SAMD12: variants seen among roughly 807,000 people sequenced by gnomAD.
The protein encoded by SAMD12 is sterile alpha motif domain-containing protein 12.
In SAMD12, 9 loss-of-function variants were observed where a neutral mutation model predicts 15.0. The observed-to-expected ratio is 0.60, with a 90% CI of 0.36 to 1.05. SAMD12 has a LOEUF of 1.05. Among genes scored for constraint, SAMD12 ranks in the 50% least tolerant of loss-of-function variants. The pLI is 0.01. For synonymous variants in SAMD12, 86 were observed against 90.1 expected (o/e 0.96, Z 0.25); for missense variants, 230 against 234.2 (o/e 0.98, Z 0.12).
intron 4 of SAMD12, among the ~76,000 whole-genome samples, chr8:118,208,395 T>C (rs1345963735): frequency 6.6e-6 from 1 of 152,274 alleles, no homozygotes; most frequent in East Asian, 1.9e-4. Flanking sequence ...GATGTGTGTA[T>C]GCATCACCTG....
rs183052148 is a variant in SAMD12 at position 118,276,259 on chromosome 8, T to A, written c.434-78527A>T. ...GAATTGTGCATTTCTGTATATGTTG[T>A]AATTTTGTTAATTTGTCTTAAATAT... On this transcript the variant is annotated intron_variant, in intron 4 of 4. Transcript: ENST00000409003. Among the ~76,000 whole-genome samples, 4 of 152,360 alleles carry A rather than the reference T, an allele frequency of 2.6e-5. No individual in the cohort carries two copies. The East Asian group carries it at 7.7e-4, about 29-fold the overall frequency.
At chr8:118,413,749 G>A (rs1325383616) in intron 3 of SAMD12, among the ~76,000 whole-genome samples, 1 of 152,088 alleles carries the variant, frequency 6.6e-6, no homozygotes, top group Non-Finnish European at 1.5e-5. Flanking sequence ...CACGTAATAG[G>A]TGTTCAGTAA....
intron 2 of SAMD12, among the ~76,000 whole-genome samples, chr8:118,556,908 G>A (rs1563582704): frequency 6.6e-6 from 1 of 151,688 alleles, no homozygotes; most frequent in Non-Finnish European, 1.5e-5. Context: ...AGGTTGCAGT[G>A]AGCCGAGATC....
At chr8:118,558,749 G>T (rs961338124) in intron 2 of SAMD12, among the ~76,000 whole-genome samples, 10 of 151,788 alleles carry the variant, frequency 6.6e-5, no homozygotes, top group Non-Finnish European at 1.3e-4. Context: ...TAGTAGAGAC[G>T]GGTTTCACTG....
chr8:118,142,456 C>T, the SAMD12 span, among the ~76,000 whole-genome samples: 1 of 152,188 alleles, frequency 6.6e-6, no homozygotes, highest in South Asian at 2.1e-4. Context: ...CCTGTCCATC[C>T]CTACCAAGTT....
At chr8:118,318,161 G>T (rs1348032400) in intron 4 of SAMD12, among the ~76,000 whole-genome samples, 1 of 151,622 alleles carries the variant, frequency 6.6e-6, no homozygotes, top group Non-Finnish European at 1.5e-5. Context: ...AGAACTAAAA[G>T]TGGATATACC....
At chr8:118,572,720 G>A (rs1322531512) in intron 2 of SAMD12, among the ~76,000 whole-genome samples, 1 of 152,194 alleles carries the variant, frequency 6.6e-6, no homozygotes, top group Non-Finnish European at 1.5e-5. Context: ...GGCTAGGGAA[G>A]TCTCACAATT....
chr8:118,475,081 T>C (rs1171250026), intron 2 of SAMD12, among the ~76,000 whole-genome samples: 2 of 152,034 alleles, frequency 1.3e-5, no homozygotes, highest in East Asian at 3.9e-4. Flanking sequence ...CTACCAAAAA[T>C]ACAAAAAATT....
chr8:118,516,721 C>T (rs2131080771), intron 2 of SAMD12, among the ~76,000 whole-genome samples: 1 of 151,520 alleles, frequency 6.6e-6, no homozygotes, highest in African/African-American at 2.4e-5. Flanking sequence ...TCACTGCAAC[C>T]TCCGCCTCCT....
chr8:118,537,956 T>C (rs191095148), intron 2 of SAMD12, among the ~76,000 whole-genome samples: 45 of 152,284 alleles, frequency 3.0e-4, no homozygotes, highest in Admixed American at 1.2e-3. Context: ...TTTCCAGGTA[T>C]TGGAGGGGAC....
chr8:118,538,245 C>A (rs1343107902), intron 2 of SAMD12, among the ~76,000 whole-genome samples: 1 of 152,072 alleles, frequency 6.6e-6, no homozygotes, highest in African/African-American at 2.4e-5. Flanking sequence ...GCAAGCACTC[C>A]CTTGGCTGCC....
At chr8:118,316,404 G>C (rs976581494) in intron 4 of SAMD12, among the ~76,000 whole-genome samples, 1 of 149,562 alleles carries the variant, frequency 6.7e-6, no homozygotes, top group Non-Finnish European at 1.5e-5. Context: ...GCATGGTGGT[G>C]CATGCCTGTA....
At chr8:118,175,569 G>A in the SAMD12 span, among the ~76,000 whole-genome samples, 152 of 152,192 alleles carry the variant, frequency 1.0e-3, no homozygotes, top group South Asian at 6.2e-4. Flanking sequence ...TTACGGAATG[G>A]GAGAAAATAT....
At chr8:118,553,794 G>T (rs1485476479) in intron 2 of SAMD12, among the ~76,000 whole-genome samples, 4 of 149,998 alleles carry the variant, frequency 2.7e-5, no homozygotes, top group Non-Finnish European at 3.0e-5. Flanking sequence ...CTGACAAAGG[G>T]CTAATATCCA....
At chr8:118,521,939 G>T (rs1401511594) in intron 2 of SAMD12, among the ~76,000 whole-genome samples, 1 of 152,050 alleles carries the variant, frequency 6.6e-6, no homozygotes, top group East Asian at 1.9e-4. Flanking sequence ...GAATCTTACA[G>T]TCAGTAAGTA....
At chr8:118,284,161 C>A (rs1278179162) in intron 4 of SAMD12, 2 of 406,726 alleles carry the variant, frequency 4.9e-6, no homozygotes, top group African/African-American at 2.1e-5. Context: ...ATTATGATAA[C>A]CCCGATGGCC....
intron 2 of SAMD12, among the ~76,000 whole-genome samples, chr8:118,562,172 T>C (rs564204518): frequency 6.6e-5 from 10 of 151,892 alleles, no homozygotes; most frequent in Non-Finnish European, 1.5e-4. Flanking sequence ...GAAGATGAGA[T>C]ATAACCTTTC....
intron 4 of SAMD12, among the ~76,000 whole-genome samples, chr8:118,316,545 C>A (rs7813963): frequency 0.41 from 54,096 of 133,126 alleles, 12,018 homozygotes; most frequent in African/African-American, 0.65. Context: ...AACAAACAAA[C>A]AAAAATTTGG....
intron 4 of SAMD12, among the ~76,000 whole-genome samples, chr8:118,304,579 G>A (rs1815214703): frequency 6.6e-6 from 1 of 151,940 alleles, no homozygotes; most frequent in Admixed American, 6.6e-5. Flanking sequence ...TTAACACGGT[G>A]AAACCCCGTC....
Sources: gnomAD v4.1 joint callset for allele counts (sites outside exome capture counted in the v4.1 genomes callset) on GRCh38, gnomAD v4.1.1 for gene constraint, MANE v1.5 for transcripts, NCBI Gene and HGNC (gene_info 2026-07-23, HGNC 2026-07-21) for gene names.